Variants in ADGRV1 observed in about 807,000 individuals in gnomAD.
ADGRV1 encodes the protein adhesion G protein-coupled receptor V1.
A neutral mutation model predicts 596.2 loss-of-function variants in ADGRV1; 359 were observed. The observed-to-expected ratio is 0.60, with a 90% CI of 0.55 to 0.66. The LOEUF (loss-of-function observed/expected upper bound fraction) is 0.66, where lower values mean the gene tolerates loss of function less well. Among genes scored for constraint, ADGRV1 ranks in the 30% least tolerant of loss-of-function variants. The pLI, the probability that ADGRV1 is intolerant of heterozygous loss-of-function variation, is 0.00. For missense variants in ADGRV1, 7,274 were observed against 7,575.6 expected (o/e 0.96, Z 1.48); for synonymous variants, 2,681 against 2,679.2 (o/e 1.00, Z -0.02).
At position 90,803,257 on chromosome 5, in the gene ADGRV1, A is replaced by T. The variant is rs907252879; in HGVS notation, c.14661+375A>T. Among the ~76,000 whole-genome samples the T allele has an allele frequency of 4.6e-5, 7 of 152,298 alleles. No homozygotes were observed. In the South Asian group the frequency reaches 1.2e-3, roughly 27 times the overall value. On this transcript the variant is annotated intron_variant, in intron 71 of 89. Coordinates refer to ENST00000405460, the MANE Select transcript of ADGRV1 (RefSeq NM_032119.4). The stretch of plus-strand genomic sequence containing the variant: ...TACAGGGGCGAGTTTGTCTTGATGT[A>T]GATAAATGCTGATGGTCAGATCCTG...
At chr5:90,794,211 G>T in intron 70 of ADGRV1, among the ~76,000 whole-genome samples, 1 of 152,152 alleles carries the variant, frequency 6.6e-6, no homozygotes, top group East Asian at 1.9e-4. Context: ...CTTCTAACCT[G>T]CAAGTGGGTC....
At chr5:90,574,793 A>G (rs1756991072) in intron 1 of ADGRV1, among the ~76,000 whole-genome samples, 1 of 152,248 alleles carries the variant, frequency 6.6e-6, no homozygotes, top group Admixed American at 6.5e-5. Context: ...CAGGGTTTCA[A>G]GCTCTTCCTG....
chr5:90,892,674 C>A (rs764198212), intron 83 of ADGRV1, among the ~76,000 whole-genome samples: 1 of 152,158 alleles, frequency 6.6e-6, no homozygotes, highest in Non-Finnish European at 1.5e-5. Context: ...ACTCTTCTAT[C>A]TCCAGTTAGC....
intron 1 of ADGRV1, among the ~76,000 whole-genome samples, chr5:90,578,552 G>A (rs1757541048): frequency 6.6e-6 from 1 of 152,176 alleles, no homozygotes; most frequent in Non-Finnish European, 1.5e-5. Flanking sequence ...ATGTTCATCA[G>A]GGATATTGGT....
rs752927949 is a variant in ADGRV1, at chr5:90,675,408, C to G, written c.5276C>G (p.Thr1759Arg). 1 of 1,613,776 alleles carries G rather than the reference C, an allele frequency of 6.2e-7. No individual in the cohort carries two copies. Among genetic ancestry groups the G allele is most frequent in the South Asian group, 1.1e-5 (1 of 91,030 alleles). Reference sequence around the variant, plus strand: ...GGAAGGGTGACTGCGGAATTTAGAACAGTGTCCTTGACAGCATTCAGTCCT... The same window carrying G: ...GGAAGGGTGACTGCGGAATTTAGAAGAGTGTCCTTGACAGCATTCAGTCCT... Reference protein sequence around the residue: ...LLGRVTAEFRTVSLTAFSPED... With the variant: ...LLGRVTAEFRRVSLTAFSPED... The change falls in exon 24 of 90, where the codon ACA (threonine) becomes AGA (arginine). Residue 1759 changes from threonine to arginine, a missense_variant. Around this residue, in one of 5 missense-constraint regions of ADGRV1, gnomAD observed 3,643 missense variants for 3,809.2 expected, o/e 0.96. Transcript: ENST00000405460.
rs373929952 is a variant in ADGRV1 at position 90,617,958 on chromosome 5, G to C, written c.357+5G>C. 1 of 1,547,304 alleles carries C rather than the reference G, an allele frequency of 6.5e-7. No individual in the cohort carries two copies. The highest frequency in any genetic ancestry group is 8.7e-7 in the Non-Finnish European group (1 of 1,145,164). On this transcript the variant is annotated splice_donor_5th_base_variant and intron_variant, in intron 3 of 89. Coordinates refer to ENST00000405460, the MANE Select transcript of ADGRV1 (RefSeq NM_032119.4). ...ATTTTTCACTTAACATTACAGGTAA[G>C]TCCGTGTTTCCTCCTTATAAAAATT...
intron 83 of ADGRV1, among the ~76,000 whole-genome samples, chr5:90,927,502 TC>T (rs1774631546): frequency 6.6e-6 from 1 of 152,204 alleles, no homozygotes; most frequent in Non-Finnish European, 1.5e-5. Flanking sequence ...TCTTCCTCCA[TC>T]CTTTTATTTT....
At chr5:90,625,045 TTTTGTCA>T in intron 5 of ADGRV1, 78 bp from the exon 6 acceptor site, 1 of 761,608 alleles carries the variant, frequency 1.3e-6, no homozygotes, top group East Asian at 2.7e-5. Flanking sequence ...AACTTCAGAT[TTTTGTCA>T]GCTGACATCA....
rs748541261 is a variant in ADGRV1 at position 90,729,637 on chromosome 5, T to G, written c.10427-5T>G. The G allele has an allele frequency of 1.8e-5, 29 of 1,597,044 alleles. No individual in the cohort carries two copies. The highest frequency in any genetic ancestry group is 1.7e-6 in the Non-Finnish European group (2 of 1,167,374). On this transcript the variant is annotated splice_region_variant and splice_polypyrimidine_tract_variant and intron_variant, in intron 49 of 89. Transcript: ENST00000405460. ...TAAGATTTGACTTCTATTTCATTATTGCAGGAGATCAGAATTCAATTGATA... is the reference window on the plus strand; with the variant it reads ...TAAGATTTGACTTCTATTTCATTATGGCAGGAGATCAGAATTCAATTGATA...
intron 78 of ADGRV1, among the ~76,000 whole-genome samples, chr5:90,848,009 G>A (rs1481480547): frequency 6.6e-6 from 1 of 152,092 alleles, no homozygotes; most frequent in African/African-American, 2.4e-5. Flanking sequence ...CTGCCAGCAC[G>A]CTGTCACCTC....
chr5:90,633,098 G>A (rs554097732), intron 9 of ADGRV1, among the ~76,000 whole-genome samples: 2 of 152,196 alleles, frequency 1.3e-5, no homozygotes, highest in Admixed American at 6.5e-5. Flanking sequence ...GCAAGCATGG[G>A]GTTACTAATG....
At chr5:91,010,007 T>C (rs1782595554) in intron 85 of ADGRV1, among the ~76,000 whole-genome samples, 1 of 151,726 alleles carries the variant, frequency 6.6e-6, no homozygotes, top group Non-Finnish European at 1.5e-5. Flanking sequence ...AAAAAAAAAA[T>C]GTTGACTTGA....
chr5:91,110,118 A>G (rs895691300), intron 87 of ADGRV1, among the ~76,000 whole-genome samples: 5 of 152,180 alleles, frequency 3.3e-5, no homozygotes, highest in South Asian at 2.1e-4. Context: ...CATTAATCCA[A>G]TAACCTCTAT....
intron 87 of ADGRV1, among the ~76,000 whole-genome samples, chr5:91,133,632 C>T (rs971211078): frequency 9.2e-5 from 14 of 152,264 alleles, no homozygotes; most frequent in Admixed American, 5.2e-4. Context: ...AAGATGTGGA[C>T]GACAATGTTA....
intron 70 of ADGRV1, among the ~76,000 whole-genome samples, chr5:90,798,651 G>A (rs1021937151): frequency 2.0e-5 from 3 of 152,286 alleles, no homozygotes; most frequent in African/African-American, 7.2e-5. Flanking sequence ...CAATATCTGT[G>A]ATGAACATCG....
chr5:90,764,015 G>A (rs190914117), intron 59 of ADGRV1, among the ~76,000 whole-genome samples: 1 of 152,294 alleles, frequency 6.6e-6, no homozygotes, highest in East Asian at 1.9e-4. Flanking sequence ...CTGCCCTGGT[G>A]TGGGCTGCAG....
intron 74 of ADGRV1, among the ~76,000 whole-genome samples, chr5:90,812,397 T>C (rs1762521222): frequency 6.6e-6 from 1 of 152,248 alleles, no homozygotes; most frequent in South Asian, 2.1e-4. Context: ...AATGATGTTA[T>C]GATTATAAAT....
At chr5:90,595,489 C>G (rs1291242478) in intron 1 of ADGRV1, among the ~76,000 whole-genome samples, 2 of 93,238 alleles carry the variant, frequency 2.1e-5, no homozygotes, top group Non-Finnish European at 4.6e-5. Flanking sequence ...CAGAGGGGCT[C>G]CTCACTTCCC....
chr5:91,093,214 A>G (rs1198457042), intron 86 of ADGRV1, among the ~76,000 whole-genome samples: 1 of 152,224 alleles, frequency 6.6e-6, no homozygotes, highest in Non-Finnish European at 1.5e-5. Context: ...AAGTGATAGA[A>G]TTGGAAGCCA....
Sources: allele counts gnomAD v4.1 joint callset (sites outside exome capture counted in the v4.1 genomes callset), GRCh38; gene constraint gnomAD v4.1.1; regional missense constraint gnomAD v4.1.1; transcripts MANE v1.5; gene names NCBI Gene and HGNC (gene_info 2026-07-23, HGNC 2026-07-21).